Variants in SLC25A21 observed in about 807,000 individuals in gnomAD.
SLC25A21 encodes solute carrier family 25 member 21, also known as mitochondrial 2-oxodicarboxylate carrier.
Under a neutral mutation model 43.8 loss-of-function variants are expected in SLC25A21, and 47 were observed. The ratio of observed to expected loss-of-function variants is 1.07; its 90% confidence interval spans 0.85 to 1.37. SLC25A21 has a LOEUF of 1.37. Among genes scored for constraint, SLC25A21 ranks in the 40% most tolerant of loss-of-function variants. SLC25A21 has a pLI of 0.00. For synonymous variants in SLC25A21, 131 were observed against 121.3 expected (o/e 1.08, Z -0.52); for missense variants, 352 against 350.2 (o/e 1.00, Z -0.04).
chr14:36,980,328 T>A (rs985330676), intron 1 of SLC25A21, among the ~76,000 whole-genome samples: 2 of 152,200 alleles, frequency 1.3e-5, no homozygotes, highest in African/African-American at 4.8e-5. Flanking sequence ...CCAGATAATA[T>A]CCTGAAGAGT....
At chr14:37,012,420 C>G (rs535172705) in intron 1 of SLC25A21, among the ~76,000 whole-genome samples, 1 of 152,070 alleles carries the variant, frequency 6.6e-6, no homozygotes, top group Admixed American at 6.6e-5. Flanking sequence ...GTCTCAAGCT[C>G]CCTTAAAATG....
chr14:36,679,870 A>G lies in SLC25A21; in HGVS notation c.*788T>C. 1.0e-6 allele frequency: 1 copy of G among 981,532 alleles called. No homozygotes were observed. Among genetic ancestry groups the G allele is most frequent in the Non-Finnish European group, 1.2e-6 (1 of 826,412 alleles). 60.8% of individuals were successfully genotyped at this position (981,532 alleles called of 1,614,324 possible). A position where few individuals can be genotyped will look rare whatever the true frequency, so the allele number is the denominator to read the frequency against. ...ACAAAACTTATCTTCAAAGAGAACT[A>G]TGTGGAGGAAAGTAAATTTTATTTC... On this transcript the variant is annotated 3_prime_UTR_variant, in exon 10 of 10. Transcript: ENST00000331299.
At chr14:37,038,987 A>G (rs530666393) in intron 1 of SLC25A21, among the ~76,000 whole-genome samples, 4 of 152,240 alleles carry the variant, frequency 2.6e-5, no homozygotes, top group African/African-American at 4.8e-5. Flanking sequence ...CTCCTTCTAG[A>G]ATGTCATGCA....
chr14:37,161,856 G>A (rs556356393), intron 1 of SLC25A21, among the ~76,000 whole-genome samples: 12 of 151,624 alleles, frequency 7.9e-5, no homozygotes, highest in African/African-American at 1.2e-4. Context: ...CCAGCTACTC[G>A]GCAGGCTGAG....
chr14:36,858,645 T>C (rs848047), intron 2 of SLC25A21, among the ~76,000 whole-genome samples: 69,607 of 151,870 alleles, frequency 0.46, 16,248 homozygotes, highest in South Asian at 0.54. Context: ...GATTTGGGAA[T>C]GCTTCCCTCT....
intron 7 of SLC25A21, among the ~76,000 whole-genome samples, chr14:36,698,279 T>A (rs1219851966): frequency 6.6e-6 from 1 of 152,222 alleles, no homozygotes; most frequent in Non-Finnish European, 1.5e-5. Flanking sequence ...TGCCAAGAAA[T>A]CTGCTGTTAA....
At chr14:36,934,856 T>G (rs1230717798) in intron 1 of SLC25A21, among the ~76,000 whole-genome samples, 1 of 152,180 alleles carries the variant, frequency 6.6e-6, no homozygotes, top group African/African-American at 2.4e-5. Context: ...TTCCAGGTAC[T>G]ATTTCCATCT....
intron 7 of SLC25A21, among the ~76,000 whole-genome samples, chr14:36,709,432 G>A (rs1157832669): frequency 6.6e-6 from 1 of 152,104 alleles, no homozygotes; most frequent in South Asian, 2.1e-4. Context: ...GAGCTCCTTC[G>A]TGTCATCCAG....
chr14:37,049,883 A>G (rs2138796031), intron 1 of SLC25A21, among the ~76,000 whole-genome samples: 1 of 152,366 alleles, frequency 6.6e-6, no homozygotes, highest in East Asian at 1.9e-4. Flanking sequence ...CTTAAAGCAC[A>G]GCTCAATTTG....
chr14:37,093,798 A>T (rs539864752), intron 1 of SLC25A21, among the ~76,000 whole-genome samples: 1 of 152,212 alleles, frequency 6.6e-6, no homozygotes, highest in Non-Finnish European at 1.5e-5. Flanking sequence ...TTTCTCTCCA[A>T]CGTGGTGGGA....
At chr14:36,934,013 C>T (rs997013780) in intron 1 of SLC25A21, among the ~76,000 whole-genome samples, 1 of 152,080 alleles carries the variant, frequency 6.6e-6, no homozygotes, top group African/African-American at 2.4e-5. Flanking sequence ...ATGGTTTTGA[C>T]TACAGACTAG....
intron 1 of SLC25A21, among the ~76,000 whole-genome samples, chr14:37,120,638 C>T (rs942986202): frequency 3.3e-5 from 5 of 152,120 alleles, no homozygotes; most frequent in African/African-American, 9.7e-5. Flanking sequence ...AAAGACACTG[C>T]GCACTACAAG....
intron 1 of SLC25A21, among the ~76,000 whole-genome samples, chr14:36,919,884 A>T (rs140939499): frequency 1.1e-3 from 173 of 152,192 alleles, no homozygotes; most frequent in Non-Finnish European, 1.7e-3. Context: ...GAATGAAAGT[A>T]AAGATCTTGC....
At chr14:36,960,120 A>G (rs1959452894) in intron 1 of SLC25A21, among the ~76,000 whole-genome samples, 1 of 152,202 alleles carries the variant, frequency 6.6e-6, no homozygotes, top group African/African-American at 2.4e-5. Flanking sequence ...TTTAGAAGGA[A>G]AAACTGTAAT....
intron 2 of SLC25A21, among the ~76,000 whole-genome samples, chr14:36,815,331 T>TAA (rs550996474): frequency 7.0e-6 from 1 of 143,318 alleles, no homozygotes; most frequent in Non-Finnish European, 1.5e-5. Context: ...GAACTTAAAG[T>TAA]AAAAAAAAAA....
chr14:36,740,493 A>C (rs1950357), intron 3 of SLC25A21, among the ~76,000 whole-genome samples: 50,747 of 152,104 alleles, frequency 0.33, 8,938 homozygotes, highest in South Asian at 0.51. Context: ...TAATTGTACT[A>C]CTTATGTACA....
intron 7 of SLC25A21, among the ~76,000 whole-genome samples, chr14:36,690,000 C>A (rs949487946): frequency 6.6e-6 from 1 of 152,136 alleles, no homozygotes; most frequent in Non-Finnish European, 1.5e-5. Flanking sequence ...CAAGGCTACA[C>A]AACTGAAGGC....
At chr14:36,726,017 G>A (rs1399614110) in intron 5 of SLC25A21, among the ~76,000 whole-genome samples, 1 of 152,146 alleles carries the variant, frequency 6.6e-6, no homozygotes, top group Non-Finnish European at 1.5e-5. Flanking sequence ...AAGAGAATTT[G>A]AATTGTAAAA....
intron 7 of SLC25A21, among the ~76,000 whole-genome samples, chr14:36,690,529 T>C (rs1882752422): frequency 2.0e-5 from 3 of 152,244 alleles, no homozygotes; most frequent in Non-Finnish European, 4.4e-5. Flanking sequence ...TTCTTGTGAC[T>C]GATTCATTCA....
Sources: allele counts gnomAD v4.1 joint callset (sites outside exome capture counted in the v4.1 genomes callset), GRCh38; gene constraint gnomAD v4.1.1; transcripts MANE v1.5; gene names NCBI Gene and HGNC (gene_info 2026-07-23, HGNC 2026-07-21).